SLC35C1: variants seen among roughly 807,000 people sequenced by gnomAD.
SLC35C1 encodes GDP-fucose transporter 1.
SLC35C1 carries 8 observed loss-of-function variants against 23.2 expected under a neutral mutation model. That is an observed-to-expected ratio of 0.35 (90% CI 0.20 to 0.62). The LOEUF (loss-of-function observed/expected upper bound fraction) is 0.62, where lower values mean the gene tolerates loss of function less well. SLC35C1 is among the 20% of genes least tolerant of loss of function. SLC35C1 has a pLI of 0.75. For missense variants in SLC35C1, 422 were observed against 478.6 expected, an observed-to-expected ratio of 0.88 and a Z score of 1.10; for synonymous variants, 226 against 225.1, an observed-to-expected ratio of 1.00 and a Z score of -0.04.
intron 1 of SLC35C1, 150 bp from the exon 2 acceptor site, chr11:45,810,626 G>A (rs1590746816): frequency 6.9e-7 from 1 of 1,441,206 alleles, no homozygotes; most frequent in Non-Finnish European, 9.1e-7. Context: ...TGGAGACTCT[G>A]GCTGTGCTTA....
At chr11:45,804,815 C>T (rs1160858046), upstream of SLC35C1, 1 of 985,754 alleles carries the variant, frequency 1.0e-6, no homozygotes, top group East Asian at 1.1e-4. Context: ...CCGCCCGGGT[C>T]CTGGGTCGGG....
Position 45,812,898 on chromosome 11 carries a change from G to C in SLC35C1, c.*1563G>C, listed in dbSNP as rs2085966847. On this transcript the variant is annotated 3_prime_UTR_variant, in exon 2 of 2. Coordinates refer to ENST00000314134, the MANE Select transcript of SLC35C1 (RefSeq NM_018389.5). Reference sequence around the variant, plus strand: ...TTACTCTATATAGTGAAAAGCTAGGGAGAGCGGGTCTTCTCCCCCCTCCCT... The same window carrying C: ...TTACTCTATATAGTGAAAAGCTAGGCAGAGCGGGTCTTCTCCCCCCTCCCT... The C allele has an allele frequency of 3.2e-6, 1 of 313,460 alleles. No homozygotes were observed. Among genetic ancestry groups the C allele is most frequent in the Non-Finnish European group, 6.4e-6 (1 of 155,614 alleles). 19.4% of individuals were successfully genotyped at this position (313,460 alleles called of 1,614,324 possible).
rs149296455 is a variant in SLC35C1 at position 45,806,335 on chromosome 11, C to T, written c.534C>T (p.Ile178=). The change falls in exon 1 of 2, where the codon ATC becomes ATT. Residue 178 remains isoleucine, a splice_region_variant and synonymous_variant. Transcript: ENST00000314134. ...CCCTGCTCACCTGCGGTATCATCAT[C>T]GGTGAGTGGCAGCTGGGGCCACGGG... The part of the protein sequence containing the change: ...FYALLTCGII[I]GGFWLGVDQE... The T allele has an allele frequency of 6.5e-5, 105 of 1,612,464 alleles. No individual in the cohort carries two copies. In the African/African-American group the frequency reaches 1.0e-3, roughly 15 times the overall value.
In SLC35C1 at chr11:45,806,019, C is replaced by G; in HGVS notation, c.218C>G (p.Pro73Arg). 10 of 1,614,012 alleles carry G rather than the reference C, an allele frequency of 6.2e-6. No individual in the cohort carries two copies. Among genetic ancestry groups the G allele is most frequent in the Non-Finnish European group, 8.5e-6 (10 of 1,180,022 alleles). Residue 73 changes from proline (P) to arginine (R), a missense_variant, in exon 1 of 2, where the codon CCC (proline) becomes CGC (arginine). Physicochemically the swap from Pro to Arg is moderately radical, Grantham distance 103. Transcript: ENST00000314134. ...AGCCCCTCCCTGCGGCTGGACACCCCCATCTTCGTCACCTTCTACCAGTGC... is the reference window on the plus strand; with the variant it reads ...AGCCCCTCCCTGCGGCTGGACACCCGCATCTTCGTCACCTTCTACCAGTGC... ...LDSPSLRLDT[P>R]IFVTFYQCLV...
upstream of SLC35C1, chr11:45,804,526 T>C: frequency 6.1e-6 from 6 of 985,440 alleles, no homozygotes; most frequent in Non-Finnish European, 7.2e-6. Flanking sequence ...GGGTAAGAGA[T>C]GCTGTCTTGA....
Position 45,811,369 on chromosome 11 carries a change from G to A in SLC35C1, c.*34G>A. The A allele has an allele frequency of 1.4e-6, 2 of 1,457,134 alleles. No individual in the cohort carries two copies. Among genetic ancestry groups the A allele is most frequent in the East Asian group, 2.4e-5 (1 of 41,668 alleles). The allele number at this position is 1,457,134 out of a possible 1,614,324, so 90.3% of individuals were successfully genotyped here. A position where few individuals can be genotyped will look rare whatever the true frequency, so the allele number is the denominator to read the frequency against. ...GGCACCCTGGATGGCCCGGCCCCGG[G>A]GCCCGTACACAGGCGGGGCCAGCAC... On this transcript the variant is annotated 3_prime_UTR_variant, in exon 2 of 2. Coordinates refer to ENST00000314134, the MANE Select transcript of SLC35C1 (RefSeq NM_018389.5).
chr11:45,810,664 G>C, intron 1 of SLC35C1, 112 bp from the exon 2 acceptor site: 1 of 1,467,542 alleles, frequency 6.8e-7, no homozygotes, highest in Non-Finnish European at 9.0e-7. Context: ...GAGGAACGGG[G>C]AGGGCCGCAA....
intron 1 of SLC35C1, chr11:45,809,983 A>G (rs1308917441): frequency 1.0e-6 from 1 of 984,564 alleles, no homozygotes; most frequent in Non-Finnish European, 1.2e-6. Context: ...ACCTTGACAG[A>G]TGAGTAGAAT....
At position 45,811,510 on chromosome 11, in the gene SLC35C1, T is replaced by C. The variant is rs1200485168; in HGVS notation, c.*175T>C. On this transcript the variant is annotated 3_prime_UTR_variant, in exon 2 of 2. Coordinates refer to ENST00000314134, the MANE Select transcript of SLC35C1 (RefSeq NM_018389.5). ...AAGGAACCAGTGTTTACAAGTAATA[T>C]CAGAAAGTTGAAGGAACCAGTGTTT... The C allele has an allele frequency of 5.8e-6, 3 of 521,464 alleles. No individual in the cohort carries two copies. Among genetic ancestry groups the C allele is most frequent in the Non-Finnish European group, 9.8e-6 (3 of 304,706 alleles). 32.3% of individuals were successfully genotyped at this position (521,464 alleles called of 1,614,324 possible).
chr11:45,805,702 A>AG lies in SLC35C1; in HGVS notation c.-97dup. 1 of 1,591,144 alleles carries AG rather than the reference A, an allele frequency of 6.3e-7. No homozygotes were observed. On this transcript the variant is annotated 5_prime_UTR_variant, in exon 1 of 2. An upstream open reading frame in the 5' UTR loses its in-frame stop. Transcript: ENST00000314134. ...TAGGCCAGCCCACATGTGACAATGG[A>AG]GGGCTGCGGCTTCCTTGCGGAGAGC...
Position 45,806,141 on chromosome 11 carries a change from G to C in SLC35C1, c.340G>C (p.Ala114Pro), listed in dbSNP as rs780802442. The change falls in exon 1 of 2, where the codon GCC becomes CCC. Residue 114 changes from alanine to proline, a missense_variant. Transcript: ENST00000314134. The stretch of plus-strand genomic sequence containing the variant: ...CAGCTTGCGCCTGGACCTCAGGGTG[G>C]CCCGCAGCGTCCTGCCCCTGTCGGT... ...FPSLRLDLRV[A>P]RSVLPLSVVF... is the part of the protein sequence containing the mutation. The C allele has an allele frequency of 1.9e-6, 3 of 1,607,300 alleles. No homozygotes were observed. Among genetic ancestry groups the C allele is most frequent in the Non-Finnish European group, 2.5e-6 (3 of 1,179,944 alleles).
In SLC35C1 at chr11:45,806,255, G is replaced by A. The variant is rs752196832; in HGVS notation, c.454G>A (p.Val152Ile). The A allele has an allele frequency of 5.0e-6, 8 of 1,610,194 alleles. No individual in the cohort carries two copies. The Admixed American group carries it at 5.0e-5, about 10-fold the overall frequency. ...FYNVGRSLTTVFNVLLSYLLL... is the reference protein window; with the variant it reads ...FYNVGRSLTTIFNVLLSYLLL... ...CAATGTGGGCCGCTCACTCACCACC[G>A]TCTTCAACGTGCTGCTCTCCTACCT... The change falls in exon 1 of 2, where the codon GTC becomes ATC. Residue 152 changes from valine (V) to isoleucine (I), a missense_variant. Coordinates refer to ENST00000314134, the MANE Select transcript of SLC35C1 (RefSeq NM_018389.5).
At chr11:45,806,554 A>G (rs898815384) in intron 1 of SLC35C1, among the ~76,000 whole-genome samples, 44 of 152,224 alleles carry the variant, frequency 2.9e-4, no homozygotes, top group African/African-American at 9.2e-4. Flanking sequence ...AGTAATAATA[A>G]TAGTAACAAC....
Position 45,805,584 on chromosome 11 carries a change from G to T in SLC35C1, c.-218G>T. ...CCCTTGCCCTGTGTCTTGTCTCAGA[G>T]CCCCCTCGGGGTGGGAGTAGGTTGT... On this transcript the variant is annotated 5_prime_UTR_variant, in exon 1 of 2. Coordinates refer to ENST00000314134, the MANE Select transcript of SLC35C1 (RefSeq NM_018389.5). 5 of 1,454,656 alleles carry T rather than the reference G, an allele frequency of 3.4e-6. No homozygotes were observed. The highest frequency in any genetic ancestry group is 4.5e-6 in the Non-Finnish European group (5 of 1,104,542). 90.1% of individuals were successfully genotyped at this position (1,454,656 alleles called of 1,614,324 possible).
rs2085933112 is a variant in SLC35C1, at chr11:45,810,864, T to G, written c.624T>G (p.Cys208Trp). The change falls in exon 2 of 2, where the codon TGT (cysteine) becomes TGG (tryptophan). Residue 208 changes from cysteine to tryptophan, a missense_variant. Coordinates refer to ENST00000314134, the MANE Select transcript of SLC35C1 (RefSeq NM_018389.5). ...TCTTCGGCGTGCTGGCTAGCCTCTG[T>G]GTCTCGCTCAACGCCATCTACACCA... is the stretch of plus-strand genomic sequence containing the variant. ...GTVFGVLASL[C>W]VSLNAIYTTK... 6.2e-7 allele frequency: 1 copy of G among 1,612,298 alleles called. No homozygotes were observed. Among genetic ancestry groups the G allele is most frequent in the Admixed American group, 1.7e-5 (1 of 60,010 alleles).
At position 45,812,484 on chromosome 11, in the gene SLC35C1, G is replaced by A. The variant is rs538992285; in HGVS notation, c.*1149G>A. ...AACGTATTGCTCACAGTCCTGGGGG[G>A]CTGGGACGCCCAAGATCAAGAGGCC... On this transcript the variant is annotated 3_prime_UTR_variant, in exon 2 of 2. Transcript: ENST00000314134. The A allele has an allele frequency of 4.4e-6, 2 of 453,846 alleles. No homozygotes were observed. The highest frequency in any genetic ancestry group is 3.1e-5 in the South Asian group (2 of 64,302). 28.1% of individuals were successfully genotyped at this position (453,846 alleles called of 1,614,324 possible).
intron 1 of SLC35C1, among the ~76,000 whole-genome samples, chr11:45,807,949 A>G (rs1195826736): frequency 6.6e-6 from 1 of 152,166 alleles, no homozygotes; most frequent in East Asian, 1.9e-4. Flanking sequence ...GCTTGCAGGA[A>G]GGTGAAGACA....
Position 45,805,739 on chromosome 11 carries a change from C to T in SLC35C1, c.-63C>T, listed in dbSNP as rs1018520778. On this transcript the variant is annotated 5_prime_UTR_variant, in exon 1 of 2. Coordinates refer to ENST00000314134, the MANE Select transcript of SLC35C1 (RefSeq NM_018389.5). ...TCCTTGCGGAGAGCACAAGTGAGCTCACTGCCCTGGACTCCAGGGAATCAG... is the reference window on the plus strand; with the variant it reads ...TCCTTGCGGAGAGCACAAGTGAGCTTACTGCCCTGGACTCCAGGGAATCAG... 2 of 1,602,590 alleles carry T rather than the reference C, an allele frequency of 1.2e-6. No homozygotes were observed. The highest frequency in any genetic ancestry group is 1.7e-6 in the Non-Finnish European group (2 of 1,179,746).
Position 45,805,859 on chromosome 11 carries a change from T to C in SLC35C1, c.58T>C (p.Ser20Pro). 1.9e-6 allele frequency: 3 copies of C among 1,614,128 alleles called. No homozygotes were observed. The highest frequency in any genetic ancestry group is 2.5e-6 in the Non-Finnish European group (3 of 1,180,024). ...CCTGCACATGGCGCTGACCGGGGCC[T>C]CAGACCCCTCTGCAGAGGCAGAGGC... The part of the protein sequence containing the change: ...RILHMALTGA[S>P]DPSAEAEANG... Residue 20 changes from serine to proline, a missense_variant, in exon 1 of 2, where the codon TCA becomes CCA. Transcript: ENST00000314134.
Sources: allele counts gnomAD v4.1 joint callset (sites outside exome capture counted in the v4.1 genomes callset), GRCh38; gene constraint gnomAD v4.1.1; transcripts MANE v1.5; gene names NCBI Gene and HGNC (gene_info 2026-07-23, HGNC 2026-07-21).